Variants in RORB observed in about 807,000 individuals in gnomAD.
RORB encodes RAR related orphan receptor B.
A neutral mutation model predicts 59.1 loss-of-function variants in RORB; 6 were observed. The observed-to-expected ratio is 0.10, with a 90% CI of 0.06 to 0.20. The LOEUF (loss-of-function observed/expected upper bound fraction) is 0.20, where lower values mean the gene tolerates loss of function less well. Among genes scored for constraint, RORB ranks in the 10% least tolerant of loss-of-function variants. The probability of loss-of-function intolerance (pLI) is 1.00; values close to 1 mark genes in which losing one functional copy is unlikely to be tolerated. For synonymous variants in RORB, 215 were observed against 204.5 expected (o/e 1.05, Z -0.44); for missense variants, 320 against 560.5 (o/e 0.57, Z 4.33).
At chr9:74,615,520 G>T (rs1215597800) in intron 1 of RORB, 4 of 385,284 alleles carry the variant, frequency 1.0e-5, no homozygotes, top group Non-Finnish European at 2.1e-5. Context: ...GAAGTTGTGG[G>T]TTAACGCAGG....
chr9:74,590,769 T>TTG (rs1394182138), intron 1 of RORB, among the ~76,000 whole-genome samples: 1 of 152,092 alleles, frequency 6.6e-6, no homozygotes, highest in Admixed American at 6.6e-5. Context: ...CTAATCTGTT[T>TTG]TTTTGTTTTG....
intron 9 of RORB, among the ~76,000 whole-genome samples, chr9:74,672,834 A>G (rs1248456381): frequency 3.9e-5 from 6 of 152,164 alleles, no homozygotes; most frequent in Non-Finnish European, 7.4e-5. Context: ...TTCTTGGTTA[A>G]AGATCATAGG....
intron 4 of RORB, among the ~76,000 whole-genome samples, chr9:74,657,302 T>A (rs1426492438): frequency 2.0e-5 from 3 of 152,090 alleles, no homozygotes; most frequent in Non-Finnish European, 4.4e-5. Context: ...CCTGACCTCG[T>A]GATCTGCTTG....
intron 1 of RORB, among the ~76,000 whole-genome samples, chr9:74,561,283 A>G (rs183309703): frequency 4.8e-4 from 73 of 152,304 alleles, no homozygotes; most frequent in Non-Finnish European, 9.0e-4. Context: ...CTAAATGTCA[A>G]TCAAAAAGAG....
Position 74,571,052 on chromosome 9 carries a change from C to A in RORB, c.8-59230C>A, listed in dbSNP as rs971000255. ...TGAACAAAATAGAAAATAATTTAAC[C>A]TATGGAGAAATGTGTGCATTAAAGT... On this transcript the variant is annotated intron_variant, in intron 1 of 9. Transcript: ENST00000376896. 1.6e-4 allele frequency among the ~76,000 whole-genome samples: 24 copies of A among 151,574 alleles called. No individual in the cohort carries two copies. In the East Asian group the frequency reaches 4.1e-3, roughly 26 times the overall value.
intron 1 of RORB, among the ~76,000 whole-genome samples, chr9:74,604,910 A>T (rs1823125990): frequency 6.6e-6 from 1 of 152,234 alleles, no homozygotes; most frequent in Non-Finnish European, 1.5e-5. Context: ...TAAGGTTAAG[A>T]AACAAAAAGT....
intron 9 of RORB, among the ~76,000 whole-genome samples, chr9:74,678,835 C>T (rs924818336): frequency 1.3e-5 from 2 of 151,930 alleles, no homozygotes; most frequent in East Asian, 1.9e-4. Flanking sequence ...AGTTCAAGAC[C>T]GGCCTGGCCA....
intron 1 of RORB, among the ~76,000 whole-genome samples, chr9:74,535,451 T>C (rs1826307820): frequency 6.6e-6 from 1 of 151,950 alleles, no homozygotes; most frequent in Admixed American, 6.6e-5. Flanking sequence ...GAAAAAATCT[T>C]GGAATAAATT....
At chr9:74,656,212 G>A (rs149712387) in intron 4 of RORB, among the ~76,000 whole-genome samples, 3 of 152,180 alleles carry the variant, frequency 2.0e-5, no homozygotes, top group Admixed American at 6.5e-5. Flanking sequence ...CTAACTCAGC[G>A]TTGGTTGAGC....
chr9:74,525,639 T>A (rs1329954144), intron 1 of RORB, among the ~76,000 whole-genome samples: 1 of 151,916 alleles, frequency 6.6e-6, no homozygotes, highest in Non-Finnish European at 1.5e-5. Context: ...TAGGCAGGTA[T>A]GTGGGAAACC....
intron 1 of RORB, among the ~76,000 whole-genome samples, chr9:74,616,403 A>C (rs181068907): frequency 2.2e-4 from 33 of 152,332 alleles, no homozygotes; most frequent in African/African-American, 7.0e-4. Context: ...TTAAATATAT[A>C]AACTCAGAAT....
intron 1 of RORB, among the ~76,000 whole-genome samples, chr9:74,575,412 C>A (rs184161319): frequency 6.6e-6 from 1 of 152,064 alleles, no homozygotes; most frequent in African/African-American, 2.4e-5. Flanking sequence ...CTTAACACTG[C>A]CATTCTCTTC....
At chr9:74,504,818 A>T (rs1020532318) in intron 1 of RORB, among the ~76,000 whole-genome samples, 1 of 152,116 alleles carries the variant, frequency 6.6e-6, no homozygotes, top group Admixed American at 6.6e-5. Flanking sequence ...AAACTGTTAC[A>T]TAGTTTACCT....
chr9:74,577,532 GTGAGCTA>G (rs1198467762), intron 1 of RORB, among the ~76,000 whole-genome samples: 1 of 152,054 alleles, frequency 6.6e-6, no homozygotes. Context: ...GGAAGAAACT[GTGAGCTA>G]TGGGCATGCA....
At chr9:74,683,531 C>G (rs923943030) in intron 9 of RORB, among the ~76,000 whole-genome samples, 4 of 152,124 alleles carry the variant, frequency 2.6e-5, no homozygotes, top group Non-Finnish European at 4.4e-5. Context: ...TCTGGCATTA[C>G]CTCACCCACT....
chr9:74,624,461 T>A (rs532704500), intron 1 of RORB, among the ~76,000 whole-genome samples: 1 of 152,340 alleles, frequency 6.6e-6, no homozygotes, highest in African/African-American at 2.4e-5. Flanking sequence ...CACCACCTTC[T>A]AGCATGGTAT....
intron 1 of RORB, chr9:74,615,513 GT>G (rs1283670340): frequency 2.7e-6 from 1 of 368,866 alleles, no homozygotes; most frequent in African/African-American, 2.1e-5. Context: ...TGGGATTGAA[GT>G]TGTGGGTTAA....
At chr9:74,559,816 G>GA (rs1822367020) in intron 1 of RORB, among the ~76,000 whole-genome samples, 2 of 151,980 alleles carry the variant, frequency 1.3e-5, no homozygotes, top group African/African-American at 4.8e-5. Flanking sequence ...CCTTGTTTAT[G>GA]AAAAAAACAA....
chr9:74,505,974 T>A (rs571579938), intron 1 of RORB, among the ~76,000 whole-genome samples: 71 of 145,006 alleles, frequency 4.9e-4, no homozygotes, highest in African/African-American at 1.7e-3. Context: ...CAGCTTGTTT[T>A]AAAAAAAAAA....
Sources: allele counts gnomAD v4.1 joint callset (sites outside exome capture counted in the v4.1 genomes callset), GRCh38; gene constraint gnomAD v4.1.1; transcripts MANE v1.5; gene names NCBI Gene and HGNC (gene_info 2026-07-23, HGNC 2026-07-21).